The following KIF27 variants were observed in gnomAD, a reference collection of about 807,000 sequenced individuals.
The protein encoded by KIF27 is kinesin family member 27, also known as kinesin-like protein KIF27.
In KIF27, 84 loss-of-function variants were observed where a neutral mutation model predicts 141.8. That is an observed-to-expected ratio of 0.59 (90% CI 0.50 to 0.71). KIF27 has a LOEUF of 0.71. Among genes scored for constraint, KIF27 ranks in the 30% least tolerant of loss-of-function variants. The probability of loss-of-function intolerance (pLI) is 0.00; values close to 1 mark genes in which losing one functional copy is unlikely to be tolerated. For synonymous variants in KIF27, 471 were observed against 569.5 expected (o/e 0.83, Z 2.46); for missense variants, 1,306 against 1,628.4 (o/e 0.80, Z 3.41).
intron 1 of KIF27, among the ~76,000 whole-genome samples, chr9:83,920,645 A>C (rs767845079): frequency 2.0e-5 from 3 of 152,214 alleles, no homozygotes; most frequent in Non-Finnish European, 2.9e-5. Context: ...AAAGGCCCCA[A>C]ATGCGTAAAG....
rs58197152 is a variant in KIF27 at position 83,912,086 on chromosome 9, TAA to T, written c.298+3206_298+3207del. On this transcript the variant is annotated intron_variant, in intron 2 of 17. Coordinates refer to ENST00000297814, the MANE Select transcript of KIF27 (RefSeq NM_017576.4). ...TACTTTATTACAATTGTAAAAATAG[TAA>T]AAAAAAAGTGTATGAGATAAATTTA... Among the ~76,000 whole-genome samples, 474 of 151,134 alleles carry T rather than the reference TAA, an allele frequency of 3.1e-3. 1 individual carries two copies. Among genetic ancestry groups the T allele is most frequent in the African/African-American group, 8.0e-3 (328 of 41,240 alleles).
intron 17 of KIF27, among the ~76,000 whole-genome samples, chr9:83,838,383 G>A (rs1289724914): frequency 1.3e-5 from 2 of 152,054 alleles, no homozygotes; most frequent in South Asian, 2.1e-4. Flanking sequence ...ACAGGCACCC[G>A]CCACCACGCC....
intron 1 of KIF27, among the ~76,000 whole-genome samples, chr9:83,921,034 G>C (rs1245701078): frequency 6.6e-6 from 1 of 152,160 alleles, no homozygotes; most frequent in African/African-American, 2.4e-5. Flanking sequence ...CGCTCTGAAA[G>C]GCCGGGTCCC....
chr9:83,915,249 C>T (rs1955573297), intron 2 of KIF27, 45 bp downstream of exon 2: 2 of 1,524,522 alleles, frequency 1.3e-6, no homozygotes, highest in Admixed American at 2.2e-5. Context: ...ATTTTTGCTT[C>T]TTTCTAGCGT....
rs775769870 is a variant in KIF27, at chr9:83,915,606, T to A, written c.-15A>T. Reference sequence around the variant, plus strand: ...ATTTCTTCCATGGCAACTTAGATTTTACTAAATAGATTTTCTATTTAATGT... The same window carrying A: ...ATTTCTTCCATGGCAACTTAGATTTAACTAAATAGATTTTCTATTTAATGT... On this transcript the variant is annotated 5_prime_UTR_variant, in exon 2 of 18. Coordinates refer to ENST00000297814, the MANE Select transcript of KIF27 (RefSeq NM_017576.4). 6.4e-7 allele frequency: 1 copy of A among 1,572,020 alleles called. No homozygotes were observed. The highest frequency in any genetic ancestry group is 1.4e-5 in the African/African-American group (1 of 72,992).
At position 83,915,312 on chromosome 9, in the gene KIF27, T is replaced by C. The variant is rs768654011; in HGVS notation, c.280A>G (p.Ile94Val). ...GQTGSGKTYT[I>V]GGGHIASVVE... is the part of the protein sequence containing the mutation. ...ATCTTACCAATATGGCCCCCTCCAA[T>C]GGTGTATGTCTTCCCAGATCCAGTT... The change falls in exon 2 of 18, where the codon ATT becomes GTT. Residue 94 changes from isoleucine to valine, a missense_variant. By Grantham distance (29) the Ile-to-Val change is conservative. This residue lies in a region of KIF27 where 533 missense variants were observed against 565.6 expected (regional missense o/e 0.94). Coordinates refer to ENST00000297814, the MANE Select transcript of KIF27 (RefSeq NM_017576.4). 32 of 1,607,060 alleles carry C rather than the reference T, an allele frequency of 2.0e-5. No homozygotes were observed. Among genetic ancestry groups the C allele is most frequent in the African/African-American group, 4.0e-5 (3 of 74,552 alleles).
At chr9:83,853,497 C>G in intron 15 of KIF27, 132 bp downstream of exon 15, 2 of 645,440 alleles carry the variant, frequency 3.1e-6, no homozygotes, top group Non-Finnish European at 2.6e-6. Context: ...AAAGAGAAAT[C>G]ATGCTTAAAT....
intron 5 of KIF27, among the ~76,000 whole-genome samples, chr9:83,898,135 T>C (rs62563545): frequency 2.1e-3 from 316 of 151,596 alleles, no homozygotes; most frequent in Non-Finnish European, 3.4e-3. Flanking sequence ...CGAGAGACAC[T>C]GAAAATTCAC....
At position 83,908,548 on chromosome 9, in the gene KIF27, A is replaced by G. The variant is rs532273915; in HGVS notation, c.403T>C (p.Tyr135His). ...AGGTCTTCCTTGTACACTTCTATAT[A>G]AGATACTTTTACATTAAAGTCAATG... ...PSIDFNVKVS[Y>H]IEVYKEDLRD... The change falls in exon 3 of 18, where the codon TAT becomes CAT. Residue 135 changes from tyrosine to histidine, a missense_variant. Tyr to His is a moderately conservative substitution (Grantham distance 83, BLOSUM62 2). Transcript: ENST00000297814. 1.9e-6 allele frequency: 3 copies of G among 1,609,900 alleles called. No individual in the cohort carries two copies. The highest frequency in any genetic ancestry group is 3.3e-4 in the Middle Eastern group (2 of 6,050).
chr9:83,881,973 T>A (rs1387009765), intron 10 of KIF27, among the ~76,000 whole-genome samples: 1 of 152,184 alleles, frequency 6.6e-6, no homozygotes, highest in African/African-American at 2.4e-5. Flanking sequence ...ATTAAAAATA[T>A]AGGTTTTAGA....
intron 16 of KIF27, chr9:83,848,848 C>CT (rs1564289984): frequency 6.6e-6 from 1 of 151,330 alleles, no homozygotes; most frequent in Non-Finnish European, 1.5e-5. Context: ...GGTCTTAACT[C>CT]TGTCACCCAG....
rs943066611 is a variant in KIF27, at chr9:83,913,164, G to C, written c.298+2130C>G. Reference sequence around the variant, plus strand: ...AGGGTGACAGACCAAGGCCCTATCTGAAAGCAAAATCAAAAACAAAAAACA... The same window carrying C: ...AGGGTGACAGACCAAGGCCCTATCTCAAAGCAAAATCAAAAACAAAAAACA... On this transcript the variant is annotated intron_variant, in intron 2 of 17. Transcript: ENST00000297814. 3.9e-5 allele frequency among the ~76,000 whole-genome samples: 6 copies of C among 152,040 alleles called. No individual in the cohort carries two copies. The East Asian group carries it at 5.8e-4, about 15-fold the overall frequency.
At position 83,916,764 on chromosome 9, in the gene KIF27, C is replaced by A. The variant is rs1472200372; in HGVS notation, c.-87-1086G>T. On this transcript the variant is annotated intron_variant, in intron 1 of 17. Transcript: ENST00000297814. ...CTGCAAGCTCCACCTCCCGGGTTCA[C>A]ACCATTCTCCTGCCTCAGCCTCCAG... Among the ~76,000 whole-genome samples, 3 of 150,674 alleles carry A rather than the reference C, an allele frequency of 2.0e-5. No homozygotes were observed. The East Asian group carries it at 5.9e-4, about 30-fold the overall frequency.
rs1292226328 is a variant in KIF27 at position 83,836,369 on chromosome 9, G to A, written c.*632C>T. On this transcript the variant is annotated 3_prime_UTR_variant, in exon 18 of 18. Transcript: ENST00000297814. ...CAGGAAAGACATGAAAACTTATATT[G>A]CATAATATTAGCAAACATAAAAGAT... Among the ~76,000 whole-genome samples, 5 of 152,002 alleles carry A rather than the reference G, an allele frequency of 3.3e-5. No homozygotes were observed. The highest frequency in any genetic ancestry group is 1.3e-4 in the Admixed American group (2 of 15,244).
rs1264754465 is a variant in KIF27, at chr9:83,836,482, G to T, written c.*519C>A. 6.6e-6 allele frequency among the ~76,000 whole-genome samples: 1 copy of T among 152,090 alleles called. No homozygotes were observed. Among genetic ancestry groups the T allele is most frequent in the Non-Finnish European group, 1.5e-5 (1 of 68,020 alleles). ...AAGTCAGGACTGACCGTTTCTGTGA[G>T]TTCTGAGGACTGTAAATGAGCCTCA... On this transcript the variant is annotated 3_prime_UTR_variant, in exon 18 of 18. Coordinates refer to ENST00000297814, the MANE Select transcript of KIF27 (RefSeq NM_017576.4).
intron 1 of KIF27, among the ~76,000 whole-genome samples, chr9:83,920,193 CTGAG>C (rs755665793): frequency 6.6e-6 from 1 of 152,140 alleles, no homozygotes; most frequent in Non-Finnish European, 1.5e-5. Context: ...GCACTCCAGC[CTGAG>C]TAACAGAGCG....
intron 2 of KIF27, among the ~76,000 whole-genome samples, chr9:83,912,731 A>G (rs1329299810): frequency 6.6e-6 from 1 of 152,210 alleles, no homozygotes; most frequent in African/African-American, 2.4e-5. Flanking sequence ...TTTATACCTC[A>G]ACAACTCTCA....
At chr9:83,864,284 C>T (rs1423171546) in intron 13 of KIF27, among the ~76,000 whole-genome samples, 1 of 152,192 alleles carries the variant, frequency 6.6e-6, no homozygotes, top group African/African-American at 2.4e-5. Context: ...AATTTTAGAT[C>T]TTTCCTGCTT....
In KIF27 at chr9:83,848,295, G is replaced by GATATATCAT. The variant is rs1156475577; in HGVS notation, c.3556+1803_3556+1804insATGATATAT. ...CAGATATGATATATATGATATATCA[G>GATATATCAT]ATATGATATATATGATATATCATAT... On this transcript the variant is annotated intron_variant, in intron 16 of 17. Transcript: ENST00000297814. 6.5e-5 allele frequency among the ~76,000 whole-genome samples: 4 copies of GATATATCAT among 61,388 alleles called. 1 individual carries two copies. Among genetic ancestry groups the GATATATCAT allele is most frequent in the African/African-American group, 2.7e-4 (4 of 14,774 alleles). 40.3% of individuals were successfully genotyped at this position (61,388 alleles called of 152,430 possible). A position where few individuals can be genotyped will look rare whatever the true frequency, so the allele number is the denominator to read the frequency against.
Sources: gnomAD v4.1 joint callset for allele counts (sites outside exome capture counted in the v4.1 genomes callset) on GRCh38, gnomAD v4.1.1 for gene constraint, gnomAD v4.1.1 regional missense constraint, MANE v1.5 for transcripts, NCBI Gene and HGNC (gene_info 2026-07-23, HGNC 2026-07-21) for gene names.